FAR2: variants seen among roughly 807,000 people sequenced by gnomAD.
The protein encoded by FAR2 is epididymis secretory protein Li 81.
Under a neutral mutation model 56.0 loss-of-function variants are expected in FAR2, and 19 were observed. That is an observed-to-expected ratio of 0.34 (90% CI 0.24 to 0.50). The LOEUF is 0.50. Among genes scored for constraint, FAR2 ranks in the 20% least tolerant of loss-of-function variants. The probability of loss-of-function intolerance (pLI) is 0.98; values close to 1 mark genes in which losing one functional copy is unlikely to be tolerated. For missense variants in FAR2, 508 were observed against 642.2 expected (o/e 0.79, Z 2.26); for synonymous variants, 219 against 218.8 (o/e 1.00, Z -0.01).
intron 1 of FAR2, among the ~76,000 whole-genome samples, chr12:29,179,276 A>G (rs184229410): frequency 6.6e-6 from 1 of 152,320 alleles, no homozygotes; most frequent in Admixed American, 6.5e-5. Flanking sequence ...TCCTGATGTC[A>G]ATATTCAGAA....
At chr12:29,274,130 T>C (rs1367299426) in intron 2 of FAR2, among the ~76,000 whole-genome samples, 2 of 152,006 alleles carry the variant, frequency 1.3e-5, no homozygotes, top group African/African-American at 4.8e-5. Flanking sequence ...GCCATGTTGG[T>C]GTGCTGCACC....
At chr12:29,284,831 TTTTGTTTG>T (rs71042977) in intron 2 of FAR2, among the ~76,000 whole-genome samples, 1 of 149,626 alleles carries the variant, frequency 6.7e-6, no homozygotes, top group Non-Finnish European at 1.5e-5. Flanking sequence ...AGCATTACTG[TTTTGTTTG>T]TTTGTTTGTT....
At chr12:29,256,195 G>T (rs1565490758) in intron 1 of FAR2, among the ~76,000 whole-genome samples, 2 of 150,604 alleles carry the variant, frequency 1.3e-5, no homozygotes, top group African/African-American at 2.4e-5. Flanking sequence ...AATTATTATT[G>T]TTTTTTTTAA....
At chr12:29,201,743 C>T (rs1333225848) in intron 1 of FAR2, among the ~76,000 whole-genome samples, 1 of 152,006 alleles carries the variant, frequency 6.6e-6, no homozygotes, top group African/African-American at 2.4e-5. Flanking sequence ...TAGCCATTAG[C>T]CACATGTCAC....
intron 1 of FAR2, among the ~76,000 whole-genome samples, chr12:29,209,442 C>G (rs1190752009): frequency 6.6e-6 from 1 of 152,148 alleles, no homozygotes; most frequent in East Asian, 1.9e-4. Flanking sequence ...TGGTGTCTTC[C>G]TTTAGGACAG....
At chr12:29,277,539 G>C (rs1158354963) in intron 2 of FAR2, 1 of 152,118 alleles carries the variant, frequency 6.6e-6, no homozygotes, top group East Asian at 1.9e-4. Flanking sequence ...AGGCAAACGA[G>C]TTTCATAAGA....
intron 1 of FAR2, among the ~76,000 whole-genome samples, chr12:29,150,484 A>C (rs1949673817): frequency 6.6e-6 from 1 of 152,214 alleles, no homozygotes; most frequent in Admixed American, 6.5e-5. Context: ...GCAAATGGAA[A>C]TTTGAGAATT....
At chr12:29,202,094 C>T (rs1245223618) in intron 1 of FAR2, among the ~76,000 whole-genome samples, 2 of 151,814 alleles carry the variant, frequency 1.3e-5, no homozygotes, top group East Asian at 3.9e-4. Context: ...ATCTTCAGTG[C>T]TCTAAGTGCT....
At chr12:29,175,896 T>G (rs1203170584) in intron 1 of FAR2, among the ~76,000 whole-genome samples, 2 of 152,176 alleles carry the variant, frequency 1.3e-5, no homozygotes, top group Admixed American at 6.5e-5. Flanking sequence ...AAGTCCCCAC[T>G]CGACCCAGGA....
intron 2 of FAR2, among the ~76,000 whole-genome samples, chr12:29,284,881 G>T (rs544168464): frequency 1.3e-5 from 2 of 151,206 alleles, no homozygotes; most frequent in East Asian, 3.9e-4. Flanking sequence ...TCGCTCTGTC[G>T]CCCAGGCTGG....
intron 4 of FAR2, among the ~76,000 whole-genome samples, chr12:29,302,767 G>A (rs941581396): frequency 1.3e-5 from 2 of 152,128 alleles, no homozygotes; most frequent in African/African-American, 4.8e-5. Flanking sequence ...CAGGGGCCGG[G>A]GGAGGCAGTG....
intron 3 of FAR2, among the ~76,000 whole-genome samples, chr12:29,295,756 AT>A (rs61390530): frequency 0.28 from 24,132 of 87,332 alleles, 774 homozygotes; most frequent in Middle Eastern, 0.38. Context: ...TTTTTACGTA[AT>A]TTTTTTTTTT....
At chr12:29,326,179 AC>A (rs1287364312) in intron 10 of FAR2, among the ~76,000 whole-genome samples, 3 of 151,814 alleles carry the variant, frequency 2.0e-5, no homozygotes, top group Non-Finnish European at 4.4e-5. Flanking sequence ...CTCGACACAT[AC>A]ACCCTCCCAA....
At chr12:29,240,638 G>T (rs1948013772) in intron 1 of FAR2, among the ~76,000 whole-genome samples, 1 of 151,998 alleles carries the variant, frequency 6.6e-6, no homozygotes, top group Non-Finnish European at 1.5e-5. Flanking sequence ...CTCCTCTCTG[G>T]AATGTAGTCA....
intron 1 of FAR2, among the ~76,000 whole-genome samples, chr12:29,247,637 A>G (rs1948149006): frequency 6.6e-6 from 1 of 152,206 alleles, no homozygotes; most frequent in South Asian, 2.1e-4. Flanking sequence ...GAACTAGGAA[A>G]CAGAAATTAC....
At chr12:29,253,285 C>CTATATA (rs1565489438) in intron 1 of FAR2, among the ~76,000 whole-genome samples, 1 of 77,148 alleles carries the variant, frequency 1.3e-5, no homozygotes, top group Admixed American at 1.1e-4. Context: ...ATATCGATAT[C>CTATATA]TATATCTATC....
At chr12:29,249,374 T>C (rs1328498671) in intron 1 of FAR2, among the ~76,000 whole-genome samples, 16 of 152,374 alleles carry the variant, frequency 1.1e-4, no homozygotes, top group Non-Finnish European at 1.5e-5. Context: ...GTTGGTATGC[T>C]ATTCTATTAT....
At chr12:29,227,635 C>T (rs1431314588) in intron 1 of FAR2, among the ~76,000 whole-genome samples, 3 of 152,110 alleles carry the variant, frequency 2.0e-5, no homozygotes, top group Non-Finnish European at 2.9e-5. Flanking sequence ...TGTCTCCAGG[C>T]AGTTTTACCT....
In FAR2 at chr12:29,202,664, G is replaced by A. The variant is rs574749333; in HGVS notation, c.-39+53257G>A. Among the ~76,000 whole-genome samples, 343 of 152,264 alleles carry A rather than the reference G, an allele frequency of 2.3e-3. 3 individuals are homozygous for A. The highest frequency in any genetic ancestry group is 2.1e-3 in the Non-Finnish European group (142 of 68,012). ...TGCCATCCTTGCAGTAATGAGAGGA[G>A]TTCTTGTTTTTAGTTCACACCAAAG... On this transcript the variant is annotated intron_variant, in intron 1 of 11. Coordinates refer to ENST00000536681, the MANE Select transcript of FAR2 (RefSeq NM_001271783.2).
Sources: allele counts gnomAD v4.1 joint callset (sites outside exome capture counted in the v4.1 genomes callset), GRCh38; gene constraint gnomAD v4.1.1; transcripts MANE v1.5; gene names NCBI Gene and HGNC (gene_info 2026-07-23, HGNC 2026-07-21).